Variants in SLC9D1 observed in about 807,000 individuals in gnomAD.
SLC9D1 encodes solute carrier family 9 member D1.
At chr13:113,541,186 G>A in the SLC9D1 span, among the ~76,000 whole-genome samples, 1 of 152,230 alleles carries the variant, frequency 6.6e-6, no homozygotes. Context: ...TGCTTTGGCT[G>A]TTGGGGCTCT....
At chr13:113,497,111 T>C in the SLC9D1 span, among the ~76,000 whole-genome samples, 1 of 142,082 alleles carries the variant, frequency 7.0e-6, no homozygotes, top group African/African-American at 2.6e-5. Flanking sequence ...AGCTGTGTGA[T>C]AGACCTGCAG....
the SLC9D1 span, among the ~76,000 whole-genome samples, chr13:113,537,896 T>C: frequency 2.0e-5 from 3 of 149,878 alleles, no homozygotes; most frequent in South Asian, 2.1e-4. Flanking sequence ...GCCGTGTGTG[T>C]GTGCGTGCAT....
the SLC9D1 span, among the ~76,000 whole-genome samples, chr13:113,541,432 G>A: frequency 8.3e-5 from 12 of 145,084 alleles, no homozygotes; most frequent in African/African-American, 3.3e-4. Flanking sequence ...CTTTAATACC[G>A]CCGAGATATG....
chr13:113,493,057 G>A, the SLC9D1 span, among the ~76,000 whole-genome samples: 1 of 152,182 alleles, frequency 6.6e-6, no homozygotes, highest in Non-Finnish European at 1.5e-5. Context: ...AATGAAATGA[G>A]TTTGAATAAA....
the SLC9D1 span, chr13:113,549,499 G>T: frequency 6.2e-7 from 1 of 1,614,050 alleles, no homozygotes; most frequent in Non-Finnish European, 8.5e-7. Flanking sequence ...CTGCAATCAC[G>T]AGGTGTGTGC....
the SLC9D1 span, chr13:113,545,653 G>T: frequency 7.9e-5 from 12 of 151,012 alleles, no homozygotes; most frequent in African/African-American, 2.7e-4. Context: ...TGCCTTGAAG[G>T]AGCTTGCACT....
chr13:113,549,532 C>T, the SLC9D1 span: 1 of 1,614,086 alleles, frequency 6.2e-7, no homozygotes, highest in Non-Finnish European at 8.5e-7. Context: ...GACGGTCCAG[C>T]CTCTGATGGC....
At chr13:113,496,451 G>A in the SLC9D1 span, among the ~76,000 whole-genome samples, 7 of 152,086 alleles carry the variant, frequency 4.6e-5, no homozygotes, top group African/African-American at 7.2e-5. Context: ...GTCATATATC[G>A]AAAATAAAAA....
At chr13:113,528,064 T>C in the SLC9D1 span, 1 of 152,214 alleles carries the variant, frequency 6.6e-6, no homozygotes, top group African/African-American at 2.4e-5. Flanking sequence ...CAGAGAGTGT[T>C]TGTGGCCTTT....
the SLC9D1 span, among the ~76,000 whole-genome samples, chr13:113,499,080 AG>A: frequency 2.0e-5 from 3 of 152,254 alleles, no homozygotes. Context: ...TTACTAGAAC[AG>A]AGGGTTCCTC....
At chr13:113,519,367 GA>G in the SLC9D1 span, among the ~76,000 whole-genome samples, 2 of 136,146 alleles carry the variant, frequency 1.5e-5, no homozygotes, top group South Asian at 4.6e-4. Context: ...TTTTTTGTAA[GA>G]AAAAGTACCT....
At chr13:113,520,612 A>T in the SLC9D1 span, 2 of 1,606,666 alleles carry the variant, frequency 1.2e-6, no homozygotes, top group Non-Finnish European at 1.7e-6. Context: ...CTTTCCCCCC[A>T]CAGGCGACAT....
At chr13:113,537,553 G>A in the SLC9D1 span, among the ~76,000 whole-genome samples, 14 of 152,338 alleles carry the variant, frequency 9.2e-5, no homozygotes, top group African/African-American at 2.6e-4. Context: ...TTTGTGACTC[G>A]CCTTTTCACT....
the SLC9D1 span, among the ~76,000 whole-genome samples, chr13:113,535,687 C>CTTTT: frequency 0.01 from 1,571 of 152,040 alleles, 12 homozygotes; most frequent in Non-Finnish European, 0.017. The surrounding 1 kb of genome is among the most constrained non-coding windows in gnomAD (Gnocchi z 4.1). Flanking sequence ...AGGCTGCGTA[C>CTTTT]TGTGTGGTTC....
At chr13:113,517,140 A>G in the SLC9D1 span, among the ~76,000 whole-genome samples, 1 of 152,092 alleles carries the variant, frequency 6.6e-6, no homozygotes, top group East Asian at 1.9e-4. Context: ...ACCAGGCAAG[A>G]GGCCAGGAGT....
chr13:113,536,638 C>T, the SLC9D1 span: 21 of 954,012 alleles, frequency 2.2e-5, no homozygotes, highest in South Asian at 3.4e-4. Context: ...CAGGTTTTCT[C>T]GCTCTCTGGG....
the SLC9D1 span, among the ~76,000 whole-genome samples, chr13:113,491,542 C>A: frequency 6.6e-6 from 1 of 152,012 alleles, no homozygotes; most frequent in Non-Finnish European, 1.5e-5. Flanking sequence ...CCCTGGGGCT[C>A]ACCTCCCCTC....
chr13:113,505,404 C>G, the SLC9D1 span: 1 of 152,136 alleles, frequency 6.6e-6, no homozygotes, highest in Admixed American at 6.5e-5. Context: ...AAGGTTTCAC[C>G]TCCTCATTGT....
At chr13:113,527,060 A>G in the SLC9D1 span, among the ~76,000 whole-genome samples, 1 of 152,328 alleles carries the variant, frequency 6.6e-6, no homozygotes. Flanking sequence ...ATGTCTGCAC[A>G]ATGATGAAAT....
Sources: allele counts gnomAD v4.1 joint callset (sites outside exome capture counted in the v4.1 genomes callset), GRCh38; gene constraint gnomAD v4.1.1; non-coding constraint Gnocchi (gnomAD v3.1); transcripts MANE v1.5; gene names NCBI Gene and HGNC (gene_info 2026-07-23, HGNC 2026-07-21).